Variants in XPNPEP3 observed in about 807,000 individuals in gnomAD.
The protein encoded by XPNPEP3 is X-prolyl aminopeptidase 3, also known as xaa-Pro aminopeptidase 3.
In XPNPEP3, 41 loss-of-function variants were observed where a neutral mutation model predicts 60.0. That is an observed-to-expected ratio of 0.68 (90% CI 0.53 to 0.89). The LOEUF is 0.89. Among genes scored for constraint, XPNPEP3 ranks in the 40% least tolerant of loss-of-function variants. The pLI, the probability that XPNPEP3 is intolerant of heterozygous loss-of-function variation, is 0.00. For synonymous variants in XPNPEP3, 212 were observed against 223.2 expected (o/e 0.95, Z 0.45); for missense variants, 598 against 638.9 (o/e 0.94, Z 0.69).
chr22:40,861,919 C>T, intron 1 of XPNPEP3: 1 of 1,613,544 alleles, frequency 6.2e-7, no homozygotes, highest in Non-Finnish European at 8.5e-7. Flanking sequence ...TTAAGTGCCA[C>T]TTTATGATAA....
chr22:40,919,524 C>T (rs2058208640), intron 7 of XPNPEP3, among the ~76,000 whole-genome samples: 1 of 152,184 alleles, frequency 6.6e-6, no homozygotes, highest in African/African-American at 2.4e-5. Flanking sequence ...GCCACCATGC[C>T]TGGCTAATAT....
chr22:40,894,841 G>T (rs1267404439), intron 4 of XPNPEP3, among the ~76,000 whole-genome samples: 1 of 152,148 alleles, frequency 6.6e-6, no homozygotes, highest in African/African-American at 2.4e-5. Flanking sequence ...CCAAAGAGCA[G>T]CTCCTCACAT....
At chr22:40,902,785 T>C (rs1271912235) in intron 4 of XPNPEP3, among the ~76,000 whole-genome samples, 5 of 152,220 alleles carry the variant, frequency 3.3e-5, no homozygotes, top group African/African-American at 1.2e-4. Context: ...AAAGGTTTCA[T>C]ATAGCAACTG....
intron 1 of XPNPEP3, chr22:40,860,441 T>C (rs945120159): frequency 2.9e-6 from 1 of 340,820 alleles, no homozygotes; most frequent in East Asian, 4.8e-5. Flanking sequence ...CTTTAAGTTA[T>C]AATGCATCAA....
chr22:40,918,198 C>T (rs1164650368), intron 7 of XPNPEP3, among the ~76,000 whole-genome samples: 1 of 151,854 alleles, frequency 6.6e-6, no homozygotes, highest in African/African-American at 2.4e-5. Flanking sequence ...ACAGCAAGAC[C>T]TCTATATCTA....
chr22:40,879,365 A>G (rs1205791674), intron 2 of XPNPEP3, among the ~76,000 whole-genome samples: 2 of 152,230 alleles, frequency 1.3e-5, no homozygotes, highest in African/African-American at 4.8e-5. Flanking sequence ...TTAATGGAAT[A>G]CAAGTTACAG....
chr22:40,880,959 G>A (rs2058045329), intron 2 of XPNPEP3, among the ~76,000 whole-genome samples: 1 of 151,694 alleles, frequency 6.6e-6, no homozygotes, highest in African/African-American at 2.4e-5. Flanking sequence ...AAACATGGAG[G>A]TTTTTTTTGT....
chr22:40,871,363 A>G (rs371775355), intron 2 of XPNPEP3, among the ~76,000 whole-genome samples: 2 of 152,278 alleles, frequency 1.3e-5, no homozygotes, highest in African/African-American at 4.8e-5. Context: ...TCTCTCTCAA[A>G]AAAAGTCTCT....
intron 2 of XPNPEP3, among the ~76,000 whole-genome samples, chr22:40,872,358 A>G (rs1234392975): frequency 6.6e-6 from 1 of 152,140 alleles, no homozygotes; most frequent in Non-Finnish European, 1.5e-5. Flanking sequence ...AATGTTGGTC[A>G]GTCTCTTTGA....
Position 40,927,604 on chromosome 22 carries a change from G to A in XPNPEP3, c.*1169G>A, listed in dbSNP as rs1222081060. On this transcript the variant is annotated 3_prime_UTR_variant, in exon 10 of 10. Transcript: ENST00000357137. ...AAAAAATGATTTCTGGCCGGGCGTG[G>A]TGGCTCAAGCCTGTAATCCCAGCAC... 2.0e-5 allele frequency: 3 copies of A among 151,974 alleles called. No homozygotes were observed. The highest frequency in any genetic ancestry group is 1.3e-4 in the Admixed American group (2 of 15,264). The allele number at this position is 151,974 out of a possible 1,614,324, so 9.4% of individuals were successfully genotyped here.
At chr22:40,879,120 A>C (rs9607751) in intron 2 of XPNPEP3, among the ~76,000 whole-genome samples, 5,291 of 152,294 alleles carry the variant, frequency 0.035, 132 homozygotes, top group Non-Finnish European at 0.058. Flanking sequence ...AAATAGCTGT[A>C]GTACAAAGTT....
chr22:40,907,486 G>A (rs2058160943), intron 4 of XPNPEP3, 101 bp from the exon 5 acceptor site: 1 of 1,234,480 alleles, frequency 8.1e-7, no homozygotes, highest in African/African-American at 1.5e-5. Flanking sequence ...TGACGAAATT[G>A]TGGGAAAAGG....
In XPNPEP3 at chr22:40,881,789, A is replaced by G. The variant is rs779482716; in HGVS notation, c.201A>G (p.Leu67=). The G allele has an allele frequency of 2.5e-6, 4 of 1,614,156 alleles. No homozygotes were observed. The highest frequency in any genetic ancestry group is 2.2e-5 in the East Asian group (1 of 44,894). The change falls in exon 3 of 10, where the codon CTA becomes CTG. Residue 67 remains leucine (L), a synonymous_variant. Transcript: ENST00000357137. The stretch of plus-strand genomic sequence containing the variant: ...TTCTAGGGGAGGTAACTCCAGGACT[A>G]TCTCAGGTGGAATATGCACTTCGCA... ...LLRPGEVTPG[L]SQVEYALRRH...
In XPNPEP3 at chr22:40,868,989, C is replaced by T. The variant is rs548551532; in HGVS notation, c.65-10C>T. 1.9e-6 allele frequency: 3 copies of T among 1,601,208 alleles called. No homozygotes were observed. The highest frequency in any genetic ancestry group is 1.3e-5 in the African/African-American group (1 of 74,736). On this transcript the variant is annotated splice_polypyrimidine_tract_variant and intron_variant, in intron 1 of 9. Coordinates refer to ENST00000357137, the MANE Select transcript of XPNPEP3 (RefSeq NM_022098.4). Reference sequence around the variant, plus strand: ...ATTGTTTCATTTCATTCTCTTTATTCTTCATTCAGGATGTATGTTGTGTTC... The same window carrying T: ...ATTGTTTCATTTCATTCTCTTTATTTTTCATTCAGGATGTATGTTGTGTTC...
chr22:40,899,106 A>G (rs909943358), intron 4 of XPNPEP3, among the ~76,000 whole-genome samples: 11 of 152,208 alleles, frequency 7.2e-5, no homozygotes, highest in African/African-American at 2.7e-4. Context: ...GTAATAGTCT[A>G]GAAAATGGCT....
At chr22:40,905,901 C>T (rs1194679186) in intron 4 of XPNPEP3, among the ~76,000 whole-genome samples, 1 of 152,064 alleles carries the variant, frequency 6.6e-6, no homozygotes, top group East Asian at 1.9e-4. Flanking sequence ...ACGTGATTCT[C>T]CTGTCCCAGC....
Position 40,926,874 on chromosome 22 carries a change from G to A in XPNPEP3, c.*439G>A. On this transcript the variant is annotated 3_prime_UTR_variant, in exon 10 of 10. Coordinates refer to ENST00000357137, the MANE Select transcript of XPNPEP3 (RefSeq NM_022098.4). Reference sequence around the variant, plus strand: ...CCTGTATTTTTAGCTAATTACCAAGGTCTCTGCCTATGCAAAAATTCATCT... The same window carrying A: ...CCTGTATTTTTAGCTAATTACCAAGATCTCTGCCTATGCAAAAATTCATCT... The A allele has an allele frequency of 1.6e-5, 4 of 247,212 alleles. No individual in the cohort carries two copies. Among genetic ancestry groups the A allele is most frequent in the South Asian group, 1.3e-4 (3 of 22,284 alleles). 15.3% of individuals were successfully genotyped at this position (247,212 alleles called of 1,614,324 possible). A position where few individuals can be genotyped will look rare whatever the true frequency, so the allele number is the denominator to read the frequency against.
chr22:40,889,488 A>G (rs2058081223), intron 4 of XPNPEP3, among the ~76,000 whole-genome samples: 1 of 152,238 alleles, frequency 6.6e-6, no homozygotes, highest in South Asian at 2.1e-4. Flanking sequence ...AGTAATCCTG[A>G]GTTGACAACA....
Position 40,930,319 on chromosome 22 carries a change from T to G in XPNPEP3, c.*3884T>G, listed in dbSNP as rs1489983087. 6.6e-6 allele frequency: 1 copy of G among 151,816 alleles called. No individual in the cohort carries two copies. The highest frequency in any genetic ancestry group is 1.5e-5 in the Non-Finnish European group (1 of 67,984). The allele number at this position is 151,816 out of a possible 1,614,324, so 9.4% of individuals were successfully genotyped here. On this transcript the variant is annotated 3_prime_UTR_variant, in exon 10 of 10. Coordinates refer to ENST00000357137, the MANE Select transcript of XPNPEP3 (RefSeq NM_022098.4). ...TAGTTTATTGTATTTTTAGTAGAGA[T>G]GGGGTTTTACTGTGTTAGCCAGGAT...
Sources: allele counts gnomAD v4.1 joint callset (sites outside exome capture counted in the v4.1 genomes callset), GRCh38; gene constraint gnomAD v4.1.1; transcripts MANE v1.5; gene names NCBI Gene and HGNC (gene_info 2026-07-23, HGNC 2026-07-21).